The following GNRH1 variants were observed in gnomAD, a reference collection of about 807,000 sequenced individuals.
GNRH1 encodes the protein gonadotropin releasing hormone 1.
In GNRH1, 9 loss-of-function variants were observed where a neutral mutation model predicts 13.6. The ratio of observed to expected loss-of-function variants is 0.66; its 90% CI spans 0.40 to 1.15. The LOEUF (loss-of-function observed/expected upper bound fraction) is 1.15. GNRH1 is among the 50% of genes most tolerant of loss of function. The pLI is 0.01. For missense variants in GNRH1, 116 were observed against 110.8 expected (o/e 1.05, Z -0.21); for synonymous variants, 44 against 40.1 (o/e 1.10, Z -0.37).
chr8:25,421,806 C>A, intron 2 of GNRH1, 138 bp from the exon 3 acceptor site: 3 of 650,436 alleles, frequency 4.6e-6, no homozygotes, highest in Non-Finnish European at 2.8e-6. Flanking sequence ...GCAGGATTAG[C>A]ATAGGGACTT....
Position 25,419,426 on chromosome 8 carries a change from T to A in GNRH1, c.272A>T (p.Lys91Met), listed in dbSNP as rs185185508. The change falls in exon 4 of 4, where the codon AAG becomes ATG. Residue 91 changes from lysine to methionine, a missense_variant. By Grantham distance (95) the Lys-to-Met change is moderately conservative. Coordinates refer to ENST00000421054, the MANE Select transcript of GNRH1 (RefSeq NM_001083111.2). The stretch of plus-strand genomic sequence containing the variant: ...CCTTCTGGCCCAATGGATTTAAATC[T>A]TCTTCTGCCCAGTTTCCTCTTCAAT... ...SLIEEETGQK[K>M]I 3.4e-6 allele frequency: 5 copies of A among 1,486,036 alleles called. No homozygotes were observed. The East Asian group carries it at 1.1e-4, about 34-fold the overall frequency. The allele number at this position is 1,486,036 out of a possible 1,614,324, so 92.1% of individuals were successfully genotyped here.
intron 2 of GNRH1, 129 bp downstream of exon 2, chr8:25,423,061 G>T (rs1801795903): frequency 3.8e-6 from 3 of 790,024 alleles, no homozygotes; most frequent in Non-Finnish European, 4.5e-6. Context: ...CTTTGTAAGT[G>T]CCTTATCTCA....
At chr8:25,420,901 A>AT (rs1389068610) in intron 3 of GNRH1, among the ~76,000 whole-genome samples, 1 of 152,122 alleles carries the variant, frequency 6.6e-6, no homozygotes, top group Non-Finnish European at 1.5e-5. Context: ...TCAACAAATA[A>AT]TTTTTTTAAA....
At chr8:25,421,780 G>T in intron 2 of GNRH1, 112 bp from the exon 3 acceptor site, 2 of 626,768 alleles carry the variant, frequency 3.2e-6, no homozygotes, top group South Asian at 3.2e-5. Flanking sequence ...TGGGGCTGGG[G>T]GAGATTGGGA....
In GNRH1 at chr8:25,424,216, G is replaced by A. The variant is rs553330929; in HGVS notation, c.-17C>T. 6.6e-6 allele frequency: 1 copy of A among 152,198 alleles called. No homozygotes were observed. Among genetic ancestry groups the A allele is most frequent in the Non-Finnish European group, 1.5e-5 (1 of 68,046 alleles). The allele number at this position is 152,198 out of a possible 1,614,324, so 9.4% of individuals were successfully genotyped here. A position where few individuals can be genotyped will look rare whatever the true frequency, so the allele number is the denominator to read the frequency against. On this transcript the variant is annotated 5_prime_UTR_variant, in exon 1 of 4. Coordinates refer to ENST00000421054, the MANE Select transcript of GNRH1 (RefSeq NM_001083111.2). ...AGCCTTTTACCTGTTTAGAGGCAGA[G>A]AGCCAAAAAGATCCCAATCTTCCCT...
chr8:25,424,347 T>C (rs1801815195), upstream of GNRH1: 1 of 146,974 alleles, frequency 6.8e-6, no homozygotes, highest in Admixed American at 7.1e-5. Context: ...ATACTGCAAA[T>C]GGACTATGCT....
At chr8:25,422,615 A>T (rs1244394237) in intron 2 of GNRH1, among the ~76,000 whole-genome samples, 2 of 152,138 alleles carry the variant, frequency 1.3e-5, no homozygotes, top group Non-Finnish European at 2.9e-5. Context: ...CCTATAATCT[A>T]ATCTATATGA....
intron 1 of GNRH1, 132 bp from the exon 2 acceptor site, chr8:25,423,463 C>A: frequency 1.3e-6 from 1 of 772,258 alleles, no homozygotes; most frequent in South Asian, 1.6e-5. Context: ...TCAGTTTTTA[C>A]ATACAGACAC....
intron 3 of GNRH1, among the ~76,000 whole-genome samples, chr8:25,421,202 G>A (rs1470142680): frequency 6.6e-6 from 1 of 152,146 alleles, no homozygotes; most frequent in African/African-American, 2.4e-5. Context: ...GGAGGGCTGT[G>A]GAGTAGCCTG....
intron 3 of GNRH1, among the ~76,000 whole-genome samples, chr8:25,421,197 G>A (rs138884973): frequency 4.3e-4 from 66 of 152,280 alleles, no homozygotes; most frequent in African/African-American, 1.5e-3. Flanking sequence ...CAGGTGGAGG[G>A]CTGTGGAGTA....
Position 25,423,135 on chromosome 8 carries a change from A to G in GNRH1, c.141+55T>C, listed in dbSNP as rs181357598. On this transcript the variant is annotated intron_variant, in intron 2 of 3. Transcript: ENST00000421054. The stretch of plus-strand genomic sequence containing the variant: ...ATTGGGGCTATCCTGAATGTTTAAT[A>G]TAGTTAAATTGAATAAAATCACTAT... 3.8e-5 allele frequency: 47 copies of G among 1,249,562 alleles called. 1 individual carries two copies. The highest frequency in any genetic ancestry group is 2.8e-4 in the East Asian group (12 of 43,226). The allele number at this position is 1,249,562 out of a possible 1,614,324, so 77.4% of individuals were successfully genotyped here. A position where few individuals can be genotyped will look rare whatever the true frequency, so the allele number is the denominator to read the frequency against.
At chr8:25,422,254 T>A (rs912693596) in intron 2 of GNRH1, among the ~76,000 whole-genome samples, 1 of 152,226 alleles carries the variant, frequency 6.6e-6, no homozygotes, top group East Asian at 1.9e-4. Flanking sequence ...TTTCCTTACA[T>A]GACCCTGATG....
In GNRH1 at chr8:25,423,186, T is replaced by C. The variant is rs767778169; in HGVS notation, c.141+4A>G. ...GTCTTATTTTGAAGCTGAGAGAAAC[T>C]TACCTCTTGGAAAGAATCAATCAAA... On this transcript the variant is annotated splice_donor_region_variant and intron_variant, in intron 2 of 3. Transcript: ENST00000421054. The C allele has an allele frequency of 3.7e-6, 6 of 1,603,940 alleles. No individual in the cohort carries two copies. In the South Asian group the frequency reaches 6.6e-5, roughly 18 times the overall value.
At chr8:25,420,769 G>A (rs567874538) in intron 3 of GNRH1, among the ~76,000 whole-genome samples, 13 of 152,218 alleles carry the variant, frequency 8.5e-5, no homozygotes, top group African/African-American at 3.1e-4. Context: ...AGTGCTTATA[G>A]TCCCAGCTAC....
chr8:25,422,729 AAAG>A (rs1266939994), intron 2 of GNRH1, among the ~76,000 whole-genome samples: 1 of 152,176 alleles, frequency 6.6e-6, no homozygotes, highest in Non-Finnish European at 1.5e-5. Context: ...CTATCAGTGA[AAAG>A]AAATTATAGG....
In GNRH1 at chr8:25,423,224, C is replaced by T; in HGVS notation, c.107G>A (p.Arg36Lys). The T allele has an allele frequency of 6.2e-7, 1 of 1,613,122 alleles. No homozygotes were observed. The highest frequency in any genetic ancestry group is 8.5e-7 in the Non-Finnish European group (1 of 1,179,070). Residue 36 changes from arginine to lysine, a missense_variant, in exon 2 of 4, where the codon AGA becomes AAA. Arg to Lys is a conservative substitution (Grantham distance 26, BLOSUM62 2). Coordinates refer to ENST00000421054, the MANE Select transcript of GNRH1 (RefSeq NM_001083111.2). Reference protein sequence around the residue: ...WSYGLRPGGKRDAENLIDSFQ... With the variant: ...WSYGLRPGGKKDAENLIDSFQ... Reference sequence around the variant, plus strand: ...AGAATCAATCAAATTTTCGGCATCTCTCTTTCCTCCAGGGCGCAGTCCATA... The same window carrying T: ...AGAATCAATCAAATTTTCGGCATCTTTCTTTCCTCCAGGGCGCAGTCCATA...
Position 25,421,601 on chromosome 8 carries a change from G to A in GNRH1, c.209C>T (p.Ser70Phe), listed in dbSNP as rs1271958888. ...RFECTTHQPRSPLRDLKGALE... is the reference protein window; with the variant it reads ...RFECTTHQPRFPLRDLKGALE... ...AGCTCCTTTCAGGTCTCGGAGGGGA[G>A]AACGTGGCTGGTGCGTGGTGCATTC... The change falls in exon 3 of 4, where the codon TCT becomes TTT. Residue 70 changes from serine to phenylalanine, a missense_variant. By Grantham distance (155) the Ser-to-Phe change is radical (BLOSUM62 -2). Coordinates refer to ENST00000421054, the MANE Select transcript of GNRH1 (RefSeq NM_001083111.2). The A allele has an allele frequency of 1.9e-6, 3 of 1,600,490 alleles. No individual in the cohort carries two copies. The highest frequency in any genetic ancestry group is 2.7e-5 in the African/African-American group (2 of 74,622).
Position 25,421,599 on chromosome 8 carries a change from G to C in GNRH1, c.211C>G (p.Pro71Ala). ...AGAGCTCCTTTCAGGTCTCGGAGGG[G>C]AGAACGTGGCTGGTGCGTGGTGCAT... ...FECTTHQPRS[P>A]LRDLKGALES... is the part of the protein sequence containing the mutation. Residue 71 changes from proline to alanine, a missense_variant, in exon 3 of 4, where the codon CCC becomes GCC. Transcript: ENST00000421054. The C allele has an allele frequency of 6.3e-7, 1 of 1,599,486 alleles. No homozygotes were observed. Among genetic ancestry groups the C allele is most frequent in the Non-Finnish European group, 8.6e-7 (1 of 1,168,286 alleles).
intron 3 of GNRH1, among the ~76,000 whole-genome samples, chr8:25,420,182 G>A (rs965191206): frequency 6.6e-6 from 1 of 151,488 alleles, no homozygotes; most frequent in South Asian, 2.1e-4. Flanking sequence ...TTGGGAGGCC[G>A]AGGTGGGCGG....
Sources: gnomAD v4.1 joint callset for allele counts (sites outside exome capture counted in the v4.1 genomes callset) on GRCh38, gnomAD v4.1.1 for gene constraint, MANE v1.5 for transcripts, NCBI Gene and HGNC (gene_info 2026-07-23, HGNC 2026-07-21) for gene names.